HMGXB4: variants seen among roughly 807,000 people sequenced by gnomAD.
HMGXB4 encodes the protein HMG-box containing 4.
Under a neutral mutation model 63.9 loss-of-function variants are expected in HMGXB4, and 27 were observed. The observed-to-expected ratio is 0.42, with a 90% CI of 0.31 to 0.58. The LOEUF is 0.58. HMGXB4 is among the 20% of genes least tolerant of loss of function. The pLI, the probability that HMGXB4 is intolerant of heterozygous loss-of-function variation, is 0.13. For synonymous variants in HMGXB4, 264 were observed against 265.3 expected (o/e 0.99, Z 0.05); for missense variants, 624 against 700.7 (o/e 0.89, Z 1.24).
In HMGXB4 at chr22:35,287,481, C is replaced by G. The variant is rs199646081; in HGVS notation, c.1468+29C>G. On this transcript the variant is annotated intron_variant, in intron 8 of 10. Transcript: ENST00000216106. ...GTGACCACATCCCGCCCCTGCTTTT[C>G]TCTAAAGCATGTGAATTTTGCTTCC... 1.1e-5 allele frequency: 17 copies of G among 1,498,892 alleles called. No individual in the cohort carries two copies. The East Asian group carries it at 3.9e-4, about 35-fold the overall frequency. The allele number at this position is 1,498,892 out of a possible 1,614,324, so 92.8% of individuals were successfully genotyped here.
the HMGXB4 span, among the ~76,000 whole-genome samples, chr22:35,251,367 G>A: frequency 4.4e-3 from 663 of 152,204 alleles, 6 homozygotes; most frequent in African/African-American, 0.014. Flanking sequence ...AAGCCACCGC[G>A]CCCGGCCTAC....
At chr22:35,288,486 C>T in intron 9 of HMGXB4, 79 bp downstream of exon 9, 1 of 1,169,066 alleles carries the variant, frequency 8.6e-7, no homozygotes, top group Non-Finnish European at 1.2e-6. Context: ...ACTCATTTTA[C>T]ATACATGTAT....
At position 35,265,551 on chromosome 22, in the gene HMGXB4, A is replaced by G. The variant is rs76572304; in HGVS notation, c.1163A>G (p.Glu388Gly). 26 of 1,456,170 alleles carry G rather than the reference A, an allele frequency of 1.8e-5. No individual in the cohort carries two copies. The highest frequency in any genetic ancestry group is 2.4e-5 in the East Asian group (1 of 41,160). 90.2% of individuals were successfully genotyped at this position (1,456,170 alleles called of 1,614,324 possible). Residue 388 changes from glutamate to glycine, a missense_variant, in exon 5 of 11, where the codon GAA (glutamate) becomes GGA (glycine). By Grantham distance (98) the Glu-to-Gly change is moderately conservative (BLOSUM62 -2). Coordinates refer to ENST00000216106, the MANE Select transcript of HMGXB4 (RefSeq NM_001003681.3). Reference protein sequence around the residue: ...LPGLHTDGHSEKKKKKEEKDK... With the variant: ...LPGLHTDGHSGKKKKKEEKDK... ...GGCCTCCACACAGATGGGCATAGTG[A>G]AAAAAAAAAGAAAAAAGAAGAGAAG...
At chr22:35,248,952 G>T in the HMGXB4 span, among the ~76,000 whole-genome samples, 6 of 152,168 alleles carry the variant, frequency 3.9e-5, no homozygotes, top group Admixed American at 3.9e-4. Flanking sequence ...CTGGGTGACT[G>T]GGTGAATGAG....
intron 9 of HMGXB4, among the ~76,000 whole-genome samples, chr22:35,290,162 C>T (rs899924651): frequency 2.6e-5 from 4 of 152,122 alleles, no homozygotes; most frequent in Admixed American, 6.6e-5. Flanking sequence ...ATCATTCTTA[C>T]GTTTCGTAAG....
At chr22:35,266,657 A>T (rs1210048143) in intron 5 of HMGXB4, among the ~76,000 whole-genome samples, 1 of 152,250 alleles carries the variant, frequency 6.6e-6, no homozygotes, top group Non-Finnish European at 1.5e-5. Context: ...AATCTGGAAG[A>T]AAAGCGACTA....
intron 7 of HMGXB4, among the ~76,000 whole-genome samples, chr22:35,286,576 A>G (rs185822267): frequency 6.6e-6 from 1 of 152,334 alleles, no homozygotes; most frequent in Non-Finnish European, 1.5e-5. Flanking sequence ...TGGGCTGGGC[A>G]CGGTGGCTCA....
intron 9 of HMGXB4, among the ~76,000 whole-genome samples, chr22:35,290,225 A>T (rs1416771057): frequency 1.3e-5 from 2 of 152,188 alleles, no homozygotes; most frequent in Middle Eastern, 3.2e-3. Context: ...TTTCCCAGAT[A>T]TTTCCATTTA....
chr22:35,244,795 C>A, the HMGXB4 span, among the ~76,000 whole-genome samples: 1 of 152,190 alleles, frequency 6.6e-6, no homozygotes, highest in South Asian at 2.1e-4. Context: ...GCAGGGTAAA[C>A]ACGTCAGGCA....
intron 6 of HMGXB4, among the ~76,000 whole-genome samples, chr22:35,284,281 C>T (rs188852559): frequency 6.6e-6 from 1 of 152,322 alleles, no homozygotes; most frequent in African/African-American, 2.4e-5. Context: ...AAAGCACATA[C>T]ATAAATGCAC....
At chr22:35,263,634 T>G (rs1005394919) in intron 3 of HMGXB4, among the ~76,000 whole-genome samples, 162 bp from the exon 4 acceptor site, 4 of 152,204 alleles carry the variant, frequency 2.6e-5, no homozygotes, top group Non-Finnish European at 5.9e-5. Context: ...AAGGAAGTAT[T>G]TTTTAATAAC....
chr22:35,271,566 T>C (rs1923606395), intron 5 of HMGXB4, among the ~76,000 whole-genome samples: 1 of 152,188 alleles, frequency 6.6e-6, no homozygotes, highest in South Asian at 2.1e-4. Context: ...TGATGTTGGA[T>C]AAGTTACAGA....
rs1429127272 is a variant in HMGXB4 at position 35,265,228 on chromosome 22, T to C, written c.840T>C (p.Ala280=). ...CCCAGTTCGCAGAGTCCCACAGTGC[T>C]AACCTTGATCTTTCAGGGCTTGAAC... ...DASQFAESHS[A]NLDLSGLEPI... is the part of the protein sequence containing the mutation. Residue 280 remains alanine, a synonymous_variant, in exon 5 of 11, where the codon GCT becomes GCC. Transcript: ENST00000216106. 1.2e-6 allele frequency: 2 copies of C among 1,614,024 alleles called. No homozygotes were observed. Among genetic ancestry groups the C allele is most frequent in the African/African-American group, 1.3e-5 (1 of 74,904 alleles).
chr22:35,246,572 C>T, the HMGXB4 span, among the ~76,000 whole-genome samples: 2 of 152,198 alleles, frequency 1.3e-5, no homozygotes, highest in African/African-American at 4.8e-5. Context: ...CGCTCCCGGC[C>T]GTATTTTCTC....
rs1392491439 is a variant in HMGXB4 at position 35,271,233 on chromosome 22, AAAAT to A, written c.1215+5638_1215+5641del. Among the ~76,000 whole-genome samples, 5 of 152,316 alleles carry A rather than the reference AAAAT, an allele frequency of 3.3e-5. No individual in the cohort carries two copies. In the South Asian group the frequency reaches 8.3e-4, roughly 25 times the overall value. On this transcript the variant is annotated intron_variant, in intron 5 of 10. Coordinates refer to ENST00000216106, the MANE Select transcript of HMGXB4 (RefSeq NM_001003681.3). Reference sequence around the variant, plus strand: ...AATATGACAAGACCCTGTCTCAAAAAAAATAAATAAAAAGTCAGGGACAAAGTCC... The same window carrying A: ...AATATGACAAGACCCTGTCTCAAAAAAAATAAAAAGTCAGGGACAAAGTCC...
At chr22:35,269,143 G>A (rs1021921124) in intron 5 of HMGXB4, among the ~76,000 whole-genome samples, 3 of 152,232 alleles carry the variant, frequency 2.0e-5, no homozygotes, top group Non-Finnish European at 4.4e-5. Context: ...TTGGGAAGCA[G>A]AGGCAGGTAG....
At position 35,263,890 on chromosome 22, in the gene HMGXB4, G is replaced by C. The variant is rs756594414; in HGVS notation, c.259+16G>C. On this transcript the variant is annotated intron_variant, in intron 4 of 10. Coordinates refer to ENST00000216106, the MANE Select transcript of HMGXB4 (RefSeq NM_001003681.3). ...TACTATGGAGGTGAGGATGGGAATG[G>C]GCAACAGGTGGGATAAACACATCGC... 1 of 1,609,244 alleles carries C rather than the reference G, an allele frequency of 6.2e-7. No individual in the cohort carries two copies. The highest frequency in any genetic ancestry group is 8.5e-7 in the Non-Finnish European group (1 of 1,175,582).
At chr22:35,242,484 A>G in the HMGXB4 span, among the ~76,000 whole-genome samples, 1 of 152,078 alleles carries the variant, frequency 6.6e-6, no homozygotes, top group Non-Finnish European at 1.5e-5. Context: ...GGTGTCTGCA[A>G]GGTCTGTAGT....
At chr22:35,254,744 ATC>A (rs1479146711), upstream of HMGXB4, among the ~76,000 whole-genome samples, 6 of 152,216 alleles carry the variant, frequency 3.9e-5, no homozygotes, top group African/African-American at 1.2e-4. Flanking sequence ...TTCAATAAAT[ATC>A]TGTTTAATAA....
Sources: allele counts gnomAD v4.1 joint callset (sites outside exome capture counted in the v4.1 genomes callset), GRCh38; gene constraint gnomAD v4.1.1; transcripts MANE v1.5; gene names NCBI Gene and HGNC (gene_info 2026-07-23, HGNC 2026-07-21).